Variants in DOCK2 observed in about 807,000 individuals in gnomAD.
DOCK2 encodes dedicator of cytokinesis 2, also known as dedicator of cytokinesis protein 2.
A neutral mutation model predicts 248.9 loss-of-function variants in DOCK2; 87 were observed. The ratio of observed to expected loss-of-function variants is 0.35; its 90% confidence interval spans 0.29 to 0.42. The LOEUF is 0.42. DOCK2 is among the 10% of genes least tolerant of loss of function. The pLI is 1.00. For synonymous variants in DOCK2, 805 were observed against 821.6 expected, an observed-to-expected ratio of 0.98 and a Z score of 0.35; for missense variants, 1,747 against 2,300.2, an observed-to-expected ratio of 0.76 and a Z score of 4.92.
chr5:169,944,841 C>T (rs1344241958), intron 27 of DOCK2, among the ~76,000 whole-genome samples: 1 of 152,220 alleles, frequency 6.6e-6, no homozygotes, highest in Non-Finnish European at 1.5e-5. Context: ...CCTTCCTCCT[C>T]CATCTGCCTT....
At chr5:170,054,292 G>C (rs1023572647) in intron 41 of DOCK2, among the ~76,000 whole-genome samples, 3 of 152,208 alleles carry the variant, frequency 2.0e-5, no homozygotes, top group Non-Finnish European at 4.4e-5. Context: ...GGGTAGAATA[G>C]AGGGAGGAAA....
chr5:170,080,503 G>A, intron 50 of DOCK2: 1 of 616,758 alleles, frequency 1.6e-6, no homozygotes, highest in Non-Finnish European at 2.7e-6. Flanking sequence ...GGACAGGGGA[G>A]AGGCCTGCTG....
At chr5:169,753,387 G>T (rs1018453502) in intron 23 of DOCK2, among the ~76,000 whole-genome samples, 106 of 143,348 alleles carry the variant, frequency 7.4e-4, no homozygotes, top group African/African-American at 2.7e-3. Context: ...GCTCCCCTGT[G>T]TGTTGTTCCC....
intron 30 of DOCK2, among the ~76,000 whole-genome samples, chr5:170,004,111 G>A (rs4867908): frequency 0.3 from 44,966 of 152,174 alleles, 7,018 homozygotes; most frequent in South Asian, 0.4. Flanking sequence ...GTACAAAAAT[G>A]TTCATAGCAG....
chr5:169,802,911 T>A (rs1767088693), intron 25 of DOCK2, 147 bp from the exon 26 acceptor site: 9 of 1,060,814 alleles, frequency 8.5e-6, no homozygotes, highest in Non-Finnish European at 1.1e-5. Flanking sequence ...TCTCAGGAAA[T>A]CTTAACCTAA....
At chr5:169,899,329 C>T (rs951649652) in intron 27 of DOCK2, among the ~76,000 whole-genome samples, 2 of 152,320 alleles carry the variant, frequency 1.3e-5, no homozygotes, top group Middle Eastern at 3.4e-3. Context: ...TGAGACTTCT[C>T]TCACTCTCTG....
At chr5:170,080,140 G>A in intron 49 of DOCK2, 23 bp from the exon 50 acceptor site, 1 of 1,613,804 alleles carries the variant, frequency 6.2e-7, no homozygotes, top group Non-Finnish European at 8.5e-7. Context: ...GTGTGTGTGT[G>A]TGTGTCTGGT....
chr5:169,698,062 C>T (rs1760736488), intron 10 of DOCK2, among the ~76,000 whole-genome samples: 1 of 152,138 alleles, frequency 6.6e-6, no homozygotes, highest in South Asian at 2.1e-4. Context: ...AAATCCAAAC[C>T]TAATTGCTGA....
At chr5:169,827,290 A>G (rs1768927644) in intron 26 of DOCK2, among the ~76,000 whole-genome samples, 1 of 152,162 alleles carries the variant, frequency 6.6e-6, no homozygotes, top group Non-Finnish European at 1.5e-5. Flanking sequence ...GGGGTTGGAG[A>G]GGAGCTGCAA....
At chr5:169,690,445 A>G (rs1370207751) in intron 9 of DOCK2, among the ~76,000 whole-genome samples, 2 of 152,104 alleles carry the variant, frequency 1.3e-5, no homozygotes, top group Non-Finnish European at 2.9e-5. Flanking sequence ...ATTAATTGCA[A>G]TGTCTTATGT....
intron 25 of DOCK2, among the ~76,000 whole-genome samples, chr5:169,796,663 C>A (rs1413894539): frequency 6.6e-6 from 1 of 152,114 alleles, no homozygotes; most frequent in African/African-American, 2.4e-5. Context: ...ATTCTGGGTG[C>A]TATAGGAATG....
intron 26 of DOCK2, among the ~76,000 whole-genome samples, chr5:169,838,087 T>C (rs954094305): frequency 5.3e-5 from 8 of 152,118 alleles, no homozygotes; most frequent in African/African-American, 1.9e-4. Flanking sequence ...ATACATAGCA[T>C]TGAAGATTTT....
intron 26 of DOCK2, among the ~76,000 whole-genome samples, chr5:169,830,384 G>T (rs1769146356): frequency 6.6e-6 from 1 of 152,130 alleles, no homozygotes; most frequent in Admixed American, 6.5e-5. Context: ...CTTATCCCCG[G>T]GGTTCTTGTC....
rs759210059 is a variant in DOCK2, at chr5:169,839,704, TC to T, written c.2704-1051del. Reference sequence around the variant, plus strand: ...GTTACAACCTGACTCACTGTAAATTTCCACCCAAGGTGGGTAATGTGGCTTC... The same window carrying T: ...GTTACAACCTGACTCACTGTAAATTTCACCCAAGGTGGGTAATGTGGCTTC... On this transcript the variant is annotated intron_variant, in intron 26 of 51. Transcript: ENST00000520908. Among the ~76,000 whole-genome samples the T allele has an allele frequency of 3.2e-3, 491 of 152,340 alleles. 1 individual carries two copies. The highest frequency in any genetic ancestry group is 6.0e-3 in the Non-Finnish European group (405 of 68,032).
chr5:169,945,568 G>A (rs996948472), intron 27 of DOCK2, among the ~76,000 whole-genome samples: 1 of 152,206 alleles, frequency 6.6e-6, no homozygotes, highest in African/African-American at 2.4e-5. Context: ...TCATTTCGAA[G>A]GTGAGAAAAT....
At position 170,082,260 on chromosome 5, in the gene DOCK2, A is replaced by G. The variant is rs574655329; in HGVS notation, c.5430+276A>G. 3.5e-4 allele frequency among the ~76,000 whole-genome samples: 53 copies of G among 152,268 alleles called. No individual in the cohort carries two copies. The South Asian group carries it at 0.011, about 32-fold the overall frequency. On this transcript the variant is annotated intron_variant, in intron 51 of 51. Transcript: ENST00000520908. ...AGCAGTAGGTGGCCTACCCTCGCCTAAACTGCCCCTTAGTGCTCCAGCCCT... is the reference window on the plus strand; with the variant it reads ...AGCAGTAGGTGGCCTACCCTCGCCTGAACTGCCCCTTAGTGCTCCAGCCCT...
intron 25 of DOCK2, among the ~76,000 whole-genome samples, chr5:169,774,524 C>G (rs1007251127): frequency 2.0e-5 from 3 of 152,198 alleles, no homozygotes; most frequent in Non-Finnish European, 2.9e-5. Context: ...GATTCCCCAG[C>G]ACACACTGAA....
At chr5:169,674,170 G>A (rs1759199114) in intron 5 of DOCK2, 127 bp from the exon 6 acceptor site, 2 of 1,110,328 alleles carry the variant, frequency 1.8e-6, no homozygotes. Flanking sequence ...TTTTGTAGTG[G>A]GTAGGGCAGG....
At chr5:169,784,335 C>T (rs547091069) in intron 25 of DOCK2, among the ~76,000 whole-genome samples, 1 of 152,252 alleles carries the variant, frequency 6.6e-6, no homozygotes, top group Admixed American at 6.5e-5. Flanking sequence ...AGTTGAGTGG[C>T]TCCTTGGAGA....
Sources: allele counts gnomAD v4.1 joint callset (sites outside exome capture counted in the v4.1 genomes callset), GRCh38; gene constraint gnomAD v4.1.1; transcripts MANE v1.5; gene names NCBI Gene and HGNC (gene_info 2026-07-23, HGNC 2026-07-21).